The following CADM1 variants were observed in gnomAD, a reference collection of about 807,000 sequenced individuals.
CADM1 encodes the protein TSLC-1.
In CADM1, 15 loss-of-function variants were observed where a neutral mutation model predicts 53.1. The observed-to-expected ratio is 0.28, with a 90% confidence interval of 0.19 to 0.44. The LOEUF (loss-of-function observed/expected upper bound fraction) is 0.44, where lower values mean the gene tolerates loss of function less well. Among genes scored for constraint, CADM1 ranks in the 20% least tolerant of loss-of-function variants. The pLI, the probability that CADM1 is intolerant of heterozygous loss-of-function variation, is 1.00. For synonymous variants in CADM1, 281 were observed against 243.0 expected, an observed-to-expected ratio of 1.16 and a Z score of -1.45; for missense variants, 434 against 611.3, an observed-to-expected ratio of 0.71 and a Z score of 3.06.
chr11:115,185,023 C>G (rs182686595), intron 10 of CADM1, among the ~76,000 whole-genome samples: 1 of 152,322 alleles, frequency 6.6e-6, no homozygotes, highest in Admixed American at 6.5e-5. Context: ...TTACTTTTCT[C>G]TGTGACTTCA....
chr11:115,234,884 C>T (rs1941954860), intron 3 of CADM1, among the ~76,000 whole-genome samples: 1 of 108,750 alleles, frequency 9.2e-6, no homozygotes, highest in African/African-American at 4.0e-5. Flanking sequence ...CACAGGGAGA[C>T]TCCGTCTCCA....
At chr11:115,233,072 G>A (rs1206713218) in intron 3 of CADM1, among the ~76,000 whole-genome samples, 1 of 152,180 alleles carries the variant, frequency 6.6e-6, no homozygotes, top group Non-Finnish European at 1.5e-5. Context: ...AATTCCTATA[G>A]AGAATGATAG....
At chr11:115,340,351 T>C (rs1442708697) in intron 1 of CADM1, 1 of 151,994 alleles carries the variant, frequency 6.6e-6, no homozygotes, top group Admixed American at 6.6e-5. Flanking sequence ...GCAAGCTCTA[T>C]TGTTCCTTTA....
At position 115,283,635 on chromosome 11, in the gene CADM1, C is replaced by T. The variant is rs148140082; in HGVS notation, c.125-43215G>A. Among the ~76,000 whole-genome samples, 155 of 152,290 alleles carry T rather than the reference C, an allele frequency of 1.0e-3. 2 individuals carry two copies. The East Asian group carries it at 0.027, about 27-fold the overall frequency. On this transcript the variant is annotated intron_variant, in intron 1 of 11. Transcript: ENST00000331581. ...CATTATCCTCAAAGTAGTTACCATCCAGCCAGGGAGATAACAGACAGAAAG... is the reference window on the plus strand; with the variant it reads ...CATTATCCTCAAAGTAGTTACCATCTAGCCAGGGAGATAACAGACAGAAAG...
At chr11:115,367,653 T>C (rs531520080) in intron 1 of CADM1, among the ~76,000 whole-genome samples, 2 of 152,176 alleles carry the variant, frequency 1.3e-5, no homozygotes, top group South Asian at 2.1e-4. Flanking sequence ...CTTATATGCA[T>C]ATAAATTTTA....
chr11:115,453,372 G>A (rs1452724075), intron 1 of CADM1, among the ~76,000 whole-genome samples: 3 of 136,188 alleles, frequency 2.2e-5, no homozygotes, highest in Admixed American at 7.3e-5. Flanking sequence ...TACCCCCCTC[G>A]CCCCCAAAAA....
intron 1 of CADM1, among the ~76,000 whole-genome samples, chr11:115,441,254 G>A (rs1047616581): frequency 6.6e-6 from 1 of 152,178 alleles, no homozygotes; most frequent in East Asian, 1.9e-4. Context: ...GAAAAGGGTG[G>A]GGTGTGTTGT....
At chr11:115,431,119 T>C (rs574695202) in intron 1 of CADM1, among the ~76,000 whole-genome samples, 3 of 152,002 alleles carry the variant, frequency 2.0e-5, no homozygotes, top group Non-Finnish European at 4.4e-5. Context: ...CCTTCCTAAA[T>C]GGCACAAAAA....
At chr11:115,369,908 T>C (rs1307821811) in intron 1 of CADM1, among the ~76,000 whole-genome samples, 2 of 152,218 alleles carry the variant, frequency 1.3e-5, no homozygotes, top group Non-Finnish European at 2.9e-5. Context: ...CACTTTTTCC[T>C]ACCATTTCCA....
chr11:115,190,575 G>A (rs1034784283), intron 10 of CADM1: 5 of 242,710 alleles, frequency 2.1e-5, no homozygotes, highest in Non-Finnish European at 3.1e-5. Context: ...AATTTCTCCC[G>A]ACACATTATA....
Position 115,503,907 on chromosome 11 carries a change from G to T in CADM1, c.124+364C>A, listed in dbSNP as rs1444063437. On this transcript the variant is annotated intron_variant, in intron 1 of 11. Transcript: ENST00000331581. ...GGACCTGCAAGTTACGGGGAGAACG[G>T]CGAGTTTAGAAGGGTCCGGAAGGGT... Among the ~76,000 whole-genome samples the T allele has an allele frequency of 2.6e-5, 4 of 152,252 alleles. No individual in the cohort carries two copies. In the East Asian group the frequency reaches 7.8e-4, roughly 30 times the overall value.
chr11:115,496,497 G>A (rs1949617147), intron 1 of CADM1, among the ~76,000 whole-genome samples: 1 of 152,194 alleles, frequency 6.6e-6, no homozygotes, highest in Non-Finnish European at 1.5e-5. Context: ...AATAAGAAAT[G>A]AGGGCAATAG....
chr11:115,295,309 G>C (rs1033269934), intron 1 of CADM1, among the ~76,000 whole-genome samples: 2 of 151,170 alleles, frequency 1.3e-5, no homozygotes, highest in African/African-American at 4.9e-5. Flanking sequence ...CTCTCTCTAA[G>C]TTACTTTCAC....
chr11:115,214,749 C>T lies in CADM1; in HGVS notation c.853G>A (p.Asp285Asn). The change falls in exon 7 of 12, where the codon GAT (aspartate) becomes AAT (asparagine). Residue 285 changes from aspartate (D) to asparagine (N), a missense_variant. Asp to Asn is a conservative substitution (Grantham distance 23). Transcript: ENST00000331581. The part of the protein sequence containing the change: ...PVMVTWVRVD[D>N]EMPQHAVLSG... ...AGTACGGCGTGTTGAGGCATTTCAT[C>T]ATCGACTCTCACCCAAGTTACCATC... is the stretch of plus-strand genomic sequence containing the variant. The T allele has an allele frequency of 6.2e-7, 1 of 1,613,954 alleles. No individual in the cohort carries two copies. Among genetic ancestry groups the T allele is most frequent in the Non-Finnish European group, 8.5e-7 (1 of 1,179,910 alleles).
chr11:115,314,374 C>A (rs1944606368), intron 1 of CADM1, among the ~76,000 whole-genome samples: 1 of 152,152 alleles, frequency 6.6e-6, no homozygotes, highest in South Asian at 2.1e-4. Context: ...TAAATTATTT[C>A]TTCTATGAAT....
At chr11:115,266,161 G>A (rs1466362510) in intron 1 of CADM1, among the ~76,000 whole-genome samples, 2 of 152,246 alleles carry the variant, frequency 1.3e-5, no homozygotes, top group African/African-American at 4.8e-5. Context: ...GCATCAGCCA[G>A]TAGGATTTCC....
intron 1 of CADM1, among the ~76,000 whole-genome samples, chr11:115,410,235 A>G (rs1013727697): frequency 2.0e-5 from 3 of 152,066 alleles, no homozygotes; most frequent in African/African-American, 7.2e-5. Context: ...CCCTTTTAAG[A>G]CTCTTACAAA....
intron 1 of CADM1, among the ~76,000 whole-genome samples, chr11:115,411,934 T>C (rs1330378069): frequency 6.6e-6 from 1 of 152,192 alleles, no homozygotes; most frequent in Non-Finnish European, 1.5e-5. Flanking sequence ...CTGGTTTTTA[T>C]GAAGCACCTC....
intron 1 of CADM1, among the ~76,000 whole-genome samples, chr11:115,502,355 T>G (rs1824529): frequency 2.9e-4 from 29 of 99,418 alleles, no homozygotes; most frequent in Admixed American, 5.9e-4. Flanking sequence ...TTTTTTTTTT[T>G]GCAGCCAATA....
Sources: gnomAD v4.1 joint callset for allele counts (sites outside exome capture counted in the v4.1 genomes callset) on GRCh38, gnomAD v4.1.1 for gene constraint, MANE v1.5 for transcripts, NCBI Gene and HGNC (gene_info 2026-07-23, HGNC 2026-07-21) for gene names.